The following HYDIN variants were observed in gnomAD, a reference collection of about 807,000 sequenced individuals.
HYDIN encodes axonemal central pair apparatus protein HYDIN.
Under a neutral mutation model 403.9 loss-of-function variants are expected in HYDIN, and 132 were observed. The ratio of observed to expected loss-of-function variants is 0.33; its 90% CI spans 0.28 to 0.38. HYDIN has a LOEUF of 0.38. HYDIN is among the 10% of genes least tolerant of loss of function. HYDIN has a pLI of 1.00. For missense variants in HYDIN, 2,827 were observed against 5,009.5 expected, an observed-to-expected ratio of 0.56 and a Z score of 13.15; for synonymous variants, 1,202 against 1,891.7, an observed-to-expected ratio of 0.64 and a Z score of 9.46.
At chr16:71,071,920 C>A (rs528440140) in intron 13 of HYDIN, among the ~76,000 whole-genome samples, 2 of 152,262 alleles carry the variant, frequency 1.3e-5, no homozygotes, top group Admixed American at 1.3e-4. Flanking sequence ...AAGTAAAAAT[C>A]TCCACAAAGC....
chr16:71,165,335 AC>A (rs2086174332), intron 5 of HYDIN, among the ~76,000 whole-genome samples: 1 of 150,518 alleles, frequency 6.6e-6, no homozygotes, highest in Admixed American at 6.6e-5. Flanking sequence ...CATGGTGCTC[AC>A]CCCCTCACCT....
chr16:70,825,732 C>T (rs931414565), intron 83 of HYDIN, among the ~76,000 whole-genome samples: 14 of 151,680 alleles, frequency 9.2e-5, no homozygotes, highest in African/African-American at 3.4e-4. Flanking sequence ...GCCCTTGGTA[C>T]CATGAATCGA....
intron 70 of HYDIN, 29 bp from the exon 71 acceptor site, chr16:70,860,235 G>T (rs759701631): frequency 4.2e-5 from 68 of 1,606,444 alleles, no homozygotes; most frequent in Non-Finnish European, 5.5e-5. Context: ...ATTGACAGAA[G>T]AGAGTGGGAC....
chr16:71,029,934 T>G (rs1368335043), intron 19 of HYDIN, among the ~76,000 whole-genome samples: 1 of 152,094 alleles, frequency 6.6e-6, no homozygotes, highest in African/African-American at 2.4e-5. Context: ...CTGCAACAGA[T>G]AAGTTCAAAT....
At chr16:71,033,147 C>A (rs2080972302) in intron 18 of HYDIN, among the ~76,000 whole-genome samples, 2 of 151,738 alleles carry the variant, frequency 1.3e-5, no homozygotes, top group Non-Finnish European at 2.9e-5. Flanking sequence ...GAGCTGACAG[C>A]AATGACATTA....
At chr16:70,916,260 C>T (rs1257694207) in intron 47 of HYDIN, among the ~76,000 whole-genome samples, 1 of 152,110 alleles carries the variant, frequency 6.6e-6, no homozygotes, top group Non-Finnish European at 1.5e-5. Context: ...CTGAAAGATC[C>T]CTGTGATGCC....
chr16:70,836,981 A>G (rs2143529240), intron 77 of HYDIN, among the ~76,000 whole-genome samples: 1 of 152,394 alleles, frequency 6.6e-6, no homozygotes, highest in South Asian at 2.1e-4. Flanking sequence ...GAAGGCTGCC[A>G]GGAATACACC....
At chr16:71,211,084 C>T (rs926910628) in intron 1 of HYDIN, among the ~76,000 whole-genome samples, 1 of 152,028 alleles carries the variant, frequency 6.6e-6, no homozygotes, top group African/African-American at 2.4e-5. Flanking sequence ...TATGAGGAAC[C>T]TTCTCTACCT....
At chr16:71,152,330 A>C (rs1292733280) in intron 7 of HYDIN, among the ~76,000 whole-genome samples, 1 of 151,864 alleles carries the variant, frequency 6.6e-6, no homozygotes, top group Non-Finnish European at 1.5e-5. Context: ...GACCTTTTTA[A>C]ATTTTTTAAA....
At chr16:70,894,205 G>C (rs558381419) in intron 55 of HYDIN, 58 of 618,438 alleles carry the variant, frequency 9.4e-5, no homozygotes, top group Middle Eastern at 8.9e-4. Flanking sequence ...AGCAGTGTGA[G>C]AATCTCTGCT....
chr16:71,227,777 C>T (rs1055207618), intron 1 of HYDIN, among the ~76,000 whole-genome samples: 3 of 152,150 alleles, frequency 2.0e-5, no homozygotes, highest in East Asian at 1.9e-4. Context: ...ATCAAGCTAC[C>T]AATGACTTTA....
At chr16:70,808,483 A>T (rs1159483050) in intron 85 of HYDIN, among the ~76,000 whole-genome samples, 1 of 152,092 alleles carries the variant, frequency 6.6e-6, no homozygotes, top group Non-Finnish European at 1.5e-5. Context: ...TTCATTGCCA[A>T]TTTAACTCCT....
At chr16:71,103,913 A>G (rs1461735856) in intron 10 of HYDIN, among the ~76,000 whole-genome samples, 1 of 152,182 alleles carries the variant, frequency 6.6e-6, no homozygotes, top group Non-Finnish European at 1.5e-5. Flanking sequence ...AACAAGCTAT[A>G]TTTTTCTATT....
At position 70,920,889 on chromosome 16, in the gene HYDIN, T is replaced by G. The variant is rs2076975872; in HGVS notation, c.7487A>C (p.Asp2496Ala). ...CCCACCCAAGGGGACCTGGCGCTGG[T>G]CGTCGGGCTCATGGGGCGCTTCCTC... ...GMEEAPHEPD[D>A]QRQVPLGGRR... The change falls in exon 46 of 86, where the codon GAC becomes GCC. Residue 2496 changes from aspartate (D) to alanine (A), a missense_variant. Asp to Ala is a moderately radical substitution (Grantham distance 126). Transcript: ENST00000393567. The G allele has an allele frequency of 6.2e-7, 1 of 1,611,444 alleles. No homozygotes were observed. The highest frequency in any genetic ancestry group is 8.5e-7 in the Non-Finnish European group (1 of 1,178,662).
At position 71,184,913 on chromosome 16, in the gene HYDIN, T is replaced by C. The variant is rs1288651974; in HGVS notation, c.213A>G (p.Arg71=). 1.2e-6 allele frequency: 2 copies of C among 1,610,830 alleles called. No homozygotes were observed. The highest frequency in any genetic ancestry group is 2.2e-5 in the East Asian group (1 of 44,862). Residue 71 remains arginine, a synonymous_variant, in exon 3 of 86, where the codon CGA becomes CGG. Coordinates refer to ENST00000393567, the MANE Select transcript of HYDIN (RefSeq NM_001270974.2). ...QRLAKTRLMC[R]PQIIELLDMG... ...TATCTAAGAGTTCGATGATCTGTGG[T>C]CGGCACATCAAACGTGTTTTTGCCA... is the stretch of plus-strand genomic sequence containing the variant.
chr16:71,177,482 G>A (rs2086717635), intron 4 of HYDIN, among the ~76,000 whole-genome samples: 1 of 152,026 alleles, frequency 6.6e-6, no homozygotes, highest in Non-Finnish European at 1.5e-5. Context: ...TCTTACTAAT[G>A]CTACTGCAGA....
chr16:71,134,634 G>A (rs1366505685), intron 8 of HYDIN, among the ~76,000 whole-genome samples: 1 of 152,028 alleles, frequency 6.6e-6, no homozygotes, highest in East Asian at 1.9e-4. Flanking sequence ...CATGGAGGAG[G>A]AGGGGCCTAC....
In HYDIN at chr16:70,805,734, G is replaced by T. The variant is rs745387679; in HGVS notation, c.*1846C>A. Among the ~76,000 whole-genome samples the T allele has an allele frequency of 3.3e-5, 5 of 152,162 alleles. No homozygotes were observed. Among genetic ancestry groups the T allele is most frequent in the Non-Finnish European group, 5.9e-5 (4 of 68,034 alleles). On this transcript the variant is annotated 3_prime_UTR_variant, in exon 86 of 86. Transcript: ENST00000393567. ...TAACCATTGTGAAAATCTGTCATCT[G>T]GTTGTCTTTAGACCTATCAGTAGTG...
At chr16:71,200,464 A>G (rs938177464) in intron 1 of HYDIN, among the ~76,000 whole-genome samples, 2 of 152,176 alleles carry the variant, frequency 1.3e-5, no homozygotes, top group African/African-American at 4.8e-5. Context: ...AACCTGGATC[A>G]TCCATTCATG....
Sources: allele counts gnomAD v4.1 joint callset (sites outside exome capture counted in the v4.1 genomes callset), GRCh38; gene constraint gnomAD v4.1.1; transcripts MANE v1.5; gene names NCBI Gene and HGNC (gene_info 2026-07-23, HGNC 2026-07-21).